The following ATP12A variants were observed in gnomAD, a reference collection of about 807,000 sequenced individuals.
ATP12A encodes potassium-transporting ATPase alpha chain 2.
ATP12A carries 81 observed loss-of-function variants against 111.2 expected under a neutral mutation model. The ratio of observed to expected loss-of-function variants is 0.73; its 90% CI spans 0.61 to 0.88. The LOEUF is 0.88. Among genes scored for constraint, ATP12A ranks in the 40% least tolerant of loss-of-function variants. The pLI is 0.00. For missense variants in ATP12A, 1,196 were observed against 1,313.1 expected, an observed-to-expected ratio of 0.91 and a Z score of 1.38; for synonymous variants, 498 against 499.8, an observed-to-expected ratio of 1.00 and a Z score of 0.05.
intron 10 of ATP12A, 137 bp from the exon 11 acceptor site, chr13:24,694,307 G>C (rs9553421): frequency 8.9e-7 from 1 of 1,123,244 alleles, no homozygotes; most frequent in Admixed American, 2.3e-5. Context: ...ACGGTCTTGC[G>C]GCCCTCCCTG....
chr13:24,706,330 T>C lies in ATP12A; in HGVS notation c.2036T>C (p.Val679Ala). The C allele has an allele frequency of 6.2e-7, 1 of 1,614,148 alleles. No homozygotes were observed. Among genetic ancestry groups the C allele is most frequent in the Non-Finnish European group, 8.5e-7 (1 of 1,179,988 alleles). The change falls in exon 15 of 23, where the codon GTG becomes GCG. Residue 679 changes from valine to alanine, a missense_variant. Around this residue, in one of 3 missense-constraint regions of ATP12A, gnomAD observed 1,126 missense variants for 1,228.5 expected, o/e 0.92. Coordinates refer to ENST00000381946, the MANE Select transcript of ATP12A (RefSeq NM_001676.7). The part of the protein sequence containing the change: ...QVNKRDAKAA[V>A]VTGMELKDMS... ...CCTTCTAGGGATGCCAAGGCCGCTGTGGTGACTGGCATGGAGCTGAAGGAC... is the reference window on the plus strand; with the variant it reads ...CCTTCTAGGGATGCCAAGGCCGCTGCGGTGACTGGCATGGAGCTGAAGGAC...
Position 24,709,502 on chromosome 13 carries a change from C to T in ATP12A, c.2617+15C>T, listed in dbSNP as rs986363792. ...CCTGCACATTGGTACGATGAGGGCG[C>T]GTCTTCCCCATCACACGAGGGCCTG... On this transcript the variant is annotated intron_variant, in intron 18 of 22. Coordinates refer to ENST00000381946, the MANE Select transcript of ATP12A (RefSeq NM_001676.7). 25 of 1,611,100 alleles carry T rather than the reference C, an allele frequency of 1.6e-5. No individual in the cohort carries two copies. The highest frequency in any genetic ancestry group is 1.9e-5 in the Non-Finnish European group (22 of 1,177,782).
intron 14 of ATP12A, among the ~76,000 whole-genome samples, chr13:24,703,274 TC>T (rs1875473473): frequency 6.6e-6 from 1 of 152,220 alleles, no homozygotes; most frequent in South Asian, 2.1e-4. Flanking sequence ...ACAGAGTCTC[TC>T]TCTGTCACCC....
chr13:24,708,305 G>C (rs1281648518), intron 17 of ATP12A, among the ~76,000 whole-genome samples: 2 of 152,170 alleles, frequency 1.3e-5, no homozygotes, highest in African/African-American at 2.4e-5. Context: ...GGCTTACGTG[G>C]GCAAGCAGGG....
rs761684657 is a variant in ATP12A at position 24,685,403 on chromosome 13, A to G, written c.228+30A>G. ...GTCGTGGGAACCAGGGATTTGGAAG[A>G]GAAGCCTCCCAACTCTACAGAGGGA... On this transcript the variant is annotated intron_variant, in intron 3 of 22. Coordinates refer to ENST00000381946, the MANE Select transcript of ATP12A (RefSeq NM_001676.7). This position sits in a 1 kb window ranked among gnomAD's most constrained non-coding sequence, Gnocchi z 5.5. 6.9e-6 allele frequency: 11 copies of G among 1,605,494 alleles called. No homozygotes were observed. Among genetic ancestry groups the G allele is most frequent in the Non-Finnish European group, 9.4e-6 (11 of 1,172,232 alleles).
chr13:24,700,667 G>A (rs999121978), intron 12 of ATP12A, 80 bp from the exon 13 acceptor site: 1 of 1,338,550 alleles, frequency 7.5e-7, no homozygotes, highest in South Asian at 1.4e-5. Flanking sequence ...GAGGACCAAG[G>A]TGTATGAGCA....
At chr13:24,687,565 G>C (rs1874716263) in intron 3 of ATP12A, among the ~76,000 whole-genome samples, 4 of 152,226 alleles carry the variant, frequency 2.6e-5, no homozygotes, top group Admixed American at 2.6e-4. Flanking sequence ...TCGTCTGTGG[G>C]GGAAATTCCT....
chr13:24,691,626 AC>A (rs1387366754), intron 8 of ATP12A, among the ~76,000 whole-genome samples: 3 of 137,046 alleles, frequency 2.2e-5, no homozygotes, highest in Middle Eastern at 7.2e-3. Context: ...CACTCCACTT[AC>A]CTCTCTTACG....
rs74673086 is a variant in ATP12A at position 24,698,956 on chromosome 13, G to T, written c.1705+106G>T. On this transcript the variant is annotated intron_variant, in intron 12 of 22. Coordinates refer to ENST00000381946, the MANE Select transcript of ATP12A (RefSeq NM_001676.7). ...CCAGTGGCCATGGCATCCACGTGAAGCATGTAAAGGAGAACATGATAAGCA... is the reference window on the plus strand; with the variant it reads ...CCAGTGGCCATGGCATCCACGTGAATCATGTAAAGGAGAACATGATAAGCA... 2.0e-3 allele frequency: 2,684 copies of T among 1,327,572 alleles called. 39 individuals are homozygous for T. In the African/African-American group the frequency reaches 0.034, roughly 17 times the overall value. The allele number at this position is 1,327,572 out of a possible 1,614,324, so 82.2% of individuals were successfully genotyped here. A position where few individuals can be genotyped will look rare whatever the true frequency, so the allele number is the denominator to read the frequency against.
intron 2 of ATP12A, among the ~76,000 whole-genome samples, chr13:24,684,054 A>G (rs903928590): frequency 6.6e-6 from 1 of 152,018 alleles, no homozygotes; most frequent in Admixed American, 6.6e-5. Context: ...CCAGATAACC[A>G]CCACCACCTC....
rs747644873 is a variant in ATP12A at position 24,709,670 on chromosome 13, C to G, written c.2618-13C>G. ...ATCATAGAACCTGTGTCCTATCTCT[C>G]TTGTTCTTTCAGGCCTCATGCAAGC... On this transcript the variant is annotated splice_polypyrimidine_tract_variant and intron_variant, in intron 18 of 22. Transcript: ENST00000381946. The G allele has an allele frequency of 1.9e-6, 3 of 1,613,934 alleles. No homozygotes were observed. In the Admixed American group the frequency reaches 5.0e-5, roughly 27 times the overall value.
In ATP12A at chr13:24,712,230, T is replaced by G. The variant is rs554790211; in HGVS notation, c.*708T>G. On this transcript the variant is annotated 3_prime_UTR_variant, in exon 23 of 23. Transcript: ENST00000381946. ...AGCTCCCAGTTCATTTTGCATATCC[T>G]AACTCAAAATGCTCAGCTAATCCAA... 2 of 152,580 alleles carry G rather than the reference T, an allele frequency of 1.3e-5. No homozygotes were observed. Among genetic ancestry groups the G allele is most frequent in the Non-Finnish European group, 2.9e-5 (2 of 68,336 alleles). 9.5% of individuals were successfully genotyped at this position (152,580 alleles called of 1,614,324 possible).
At position 24,692,900 on chromosome 13, in the gene ATP12A, A is replaced by T. The variant is rs2137700088; in HGVS notation, c.1377+4A>T. The stretch of plus-strand genomic sequence containing the variant: ...GGAAAATGTCCCCATCATGAAGGTA[A>T]TGCTTCTGCAGCACTTGGTCTTAAA... On this transcript the variant is annotated splice_donor_region_variant and intron_variant, in intron 10 of 22. Coordinates refer to ENST00000381946, the MANE Select transcript of ATP12A (RefSeq NM_001676.7). The T allele has an allele frequency of 6.2e-7, 1 of 1,611,254 alleles. No individual in the cohort carries two copies. The highest frequency in any genetic ancestry group is 2.2e-5 in the East Asian group (1 of 44,858).
Position 24,707,135 on chromosome 13 carries a change from C to T in ATP12A, c.2282C>T (p.Ala761Val). The change falls in exon 16 of 23, where the codon GCC becomes GTC. Residue 761 changes from alanine to valine, a missense_variant. Physicochemically the swap from Ala to Val is moderately conservative, Grantham distance 64 (BLOSUM62 0). Around this residue, in one of 3 missense-constraint regions of ATP12A, gnomAD observed 1,126 missense variants for 1,228.5 expected, o/e 0.92. Transcript: ENST00000381946. ...GGTTCTGATGCAGCCAAAAATGCAG[C>T]CGACATGGTCTTGCTGGACGACAAC... The part of the protein sequence containing the change: ...IAGSDAAKNA[A>V]DMVLLDDNFA... 3.7e-6 allele frequency: 6 copies of T among 1,614,148 alleles called. No individual in the cohort carries two copies. Among genetic ancestry groups the T allele is most frequent in the Non-Finnish European group, 5.1e-6 (6 of 1,180,020 alleles).
At chr13:24,702,115 T>C (rs1376254442) in intron 14 of ATP12A, 44 bp downstream of exon 14, 1 of 1,612,510 alleles carries the variant, frequency 6.2e-7, no homozygotes, top group Non-Finnish European at 8.5e-7. Context: ...TTTATACCCA[T>C]GGGGCCCCAC....
chr13:24,686,719 A>G (rs1200074968), intron 3 of ATP12A, among the ~76,000 whole-genome samples: 1 of 152,040 alleles, frequency 6.6e-6, no homozygotes, highest in Non-Finnish European at 1.5e-5. Context: ...AGCCTGGGCG[A>G]CAGAGCGAGA....
Position 24,710,604 on chromosome 13 carries a change from T to TGC in ATP12A, c.2897+12_2897+13dup, listed in dbSNP as rs1476690913. The TGC allele has an allele frequency of 3.7e-6, 6 of 1,613,866 alleles. No individual in the cohort carries two copies. Among genetic ancestry groups the TGC allele is most frequent in the Non-Finnish European group, 5.1e-6 (6 of 1,180,020 alleles). The stretch of plus-strand genomic sequence containing the variant: ...GCAGGGTCTCTTCAGGTACTGCCTG[T>TGC]GCCCGGCCTCCTGGGGCAGCCCTGG... On this transcript the variant is annotated intron_variant, in intron 20 of 22. Transcript: ENST00000381946.
Position 24,702,020 on chromosome 13 carries a change from T to A in ATP12A, c.1967T>A (p.Val656Glu). 2 of 1,614,218 alleles carry A rather than the reference T, an allele frequency of 1.2e-6. No homozygotes were observed. Among genetic ancestry groups the A allele is most frequent in the Non-Finnish European group, 1.7e-6 (2 of 1,180,044 alleles). Residue 656 changes from valine to glutamate, a missense_variant, in exon 14 of 23, where the codon GTG (valine) becomes GAG (glutamate). Physicochemically the swap from Val to Glu is moderately radical, Grantham distance 121 (BLOSUM62 -2). Around this residue, in one of 3 missense-constraint regions of ATP12A, gnomAD observed 1,126 missense variants for 1,228.5 expected, o/e 0.92. Coordinates refer to ENST00000381946, the MANE Select transcript of ATP12A (RefSeq NM_001676.7). ...VGIISANSET[V>E]EDIAHRLNIA... is the part of the protein sequence containing the mutation. ...ATCATTTCAGCCAACAGTGAAACAG[T>A]GGAAGACATTGCACATCGCCTCAAC... is the stretch of plus-strand genomic sequence containing the variant.
At chr13:24,695,937 C>T (rs996628388) in intron 11 of ATP12A, among the ~76,000 whole-genome samples, 1 of 152,102 alleles carries the variant, frequency 6.6e-6, no homozygotes, top group African/African-American at 2.4e-5. Flanking sequence ...TTGCAAATGT[C>T]TTCTTTGTGG....
Sources: gnomAD v4.1 joint callset for allele counts (sites outside exome capture counted in the v4.1 genomes callset) on GRCh38, gnomAD v4.1.1 for gene constraint, gnomAD v4.1.1 regional missense constraint, Gnocchi (gnomAD v3.1) non-coding constraint, MANE v1.5 for transcripts, NCBI Gene and HGNC (gene_info 2026-07-23, HGNC 2026-07-21) for gene names.